Variants in SYNE2 observed in about 807,000 individuals in gnomAD.
SYNE2 encodes the protein spectrin repeat containing nuclear envelope protein 2.
Under a neutral mutation model 856.3 loss-of-function variants are expected in SYNE2, and 431 were observed. The ratio of observed to expected loss-of-function variants is 0.50; its 90% CI spans 0.47 to 0.55. SYNE2 has a LOEUF of 0.55. Ranked by LOEUF, SYNE2 falls within the 20% of genes least tolerant of loss-of-function variation. The pLI, the probability that SYNE2 is intolerant of heterozygous loss-of-function variation, is 0.00. For synonymous variants in SYNE2, 2,923 were observed against 2,872.3 expected (o/e 1.02, Z -0.56); for missense variants, 8,129 against 8,023.2 (o/e 1.01, Z -0.50).
chr14:63,823,037 G>C (rs956491506), intron 1 of SYNE2, among the ~76,000 whole-genome samples: 5 of 152,118 alleles, frequency 3.3e-5, no homozygotes, highest in African/African-American at 1.2e-4. Flanking sequence ...CTAGGAGTTC[G>C]AGGTTGCAGT....
chr14:63,895,517 C>T (rs933541187), intron 1 of SYNE2, among the ~76,000 whole-genome samples: 8 of 149,794 alleles, frequency 5.3e-5, no homozygotes, highest in African/African-American at 2.0e-4. Context: ...ACTTTGGAGG[C>T]CAAAGTGCAT....
intron 11 of SYNE2, among the ~76,000 whole-genome samples, chr14:63,976,099 T>C (rs1378152216): frequency 6.6e-6 from 1 of 152,126 alleles, no homozygotes; most frequent in Non-Finnish European, 1.5e-5. Flanking sequence ...GAAGGACAGA[T>C]ATTCGGGAGA....
At chr14:63,884,940 G>A (rs939313962) in intron 1 of SYNE2, among the ~76,000 whole-genome samples, 8 of 152,038 alleles carry the variant, frequency 5.3e-5, no homozygotes, top group Non-Finnish European at 8.8e-5. Context: ...GCACCCGGCC[G>A]CCTTTGAAAT....
chr14:64,112,686 G>A (rs1388474847), intron 65 of SYNE2, among the ~76,000 whole-genome samples: 1 of 152,146 alleles, frequency 6.6e-6, no homozygotes, highest in Admixed American at 6.5e-5. Context: ...AGAAGGGGAA[G>A]GAAGGTATTT....
intron 63 of SYNE2, among the ~76,000 whole-genome samples, chr14:64,100,937 A>C (rs1002475182): frequency 1.3e-5 from 2 of 151,936 alleles, no homozygotes; most frequent in African/African-American, 4.8e-5. Flanking sequence ...ATTTCACTTA[A>C]CAGAAGATCC....
intron 66 of SYNE2, among the ~76,000 whole-genome samples, chr14:64,117,494 A>G (rs994816407): frequency 1.7e-4 from 26 of 151,962 alleles, no homozygotes; most frequent in African/African-American, 5.6e-4. Flanking sequence ...TCAGGGTCTC[A>G]CTGTGTTGCC....
intron 1 of SYNE2, among the ~76,000 whole-genome samples, chr14:63,904,871 TTC>T (rs1349470089): frequency 2.9e-4 from 44 of 152,118 alleles, no homozygotes; most frequent in African/African-American, 1.0e-3. Flanking sequence ...TAGCCAAAAG[TTC>T]TTTGTCACGG....
At chr14:63,981,413 T>C (rs1006186076) in intron 16 of SYNE2, among the ~76,000 whole-genome samples, 4 of 152,186 alleles carry the variant, frequency 2.6e-5, no homozygotes, top group Admixed American at 2.0e-4. Flanking sequence ...TTCCCACACA[T>C]AGAGCTTTCT....
intron 110 of SYNE2, 133 bp downstream of exon 110, chr14:64,219,543 T>C (rs979004975): frequency 2.4e-5 from 21 of 886,810 alleles, no homozygotes; most frequent in Admixed American, 6.3e-5. Context: ...GGTCACTCTC[T>C]TCCATTTCAG....
upstream of SYNE2, among the ~76,000 whole-genome samples, chr14:63,761,851 C>CGGTTT (rs1886494871): frequency 1.3e-5 from 2 of 152,158 alleles, no homozygotes; most frequent in Non-Finnish European, 2.9e-5. Flanking sequence ...ATTGCCAAAC[C>CGGTTT]TCTCCCAGAG....
chr14:63,950,034 A>G (rs2096124946), intron 7 of SYNE2, 28 bp downstream of exon 7: 3 of 1,612,784 alleles, frequency 1.9e-6, no homozygotes, highest in South Asian at 2.2e-5. Context: ...ACCCTAAGAG[A>G]CACACAGGGC....
chr14:64,028,534 C>T (rs182587744), intron 43 of SYNE2, among the ~76,000 whole-genome samples: 3 of 152,056 alleles, frequency 2.0e-5, no homozygotes, highest in Non-Finnish European at 4.4e-5. Flanking sequence ...GGATGACCTG[C>T]GCGAGCCACT....
Position 63,874,181 on chromosome 14 carries a change from G to A in SYNE2, c.-52+21038G>A, listed in dbSNP as rs530582783. 5.9e-5 allele frequency among the ~76,000 whole-genome samples: 9 copies of A among 152,170 alleles called. No homozygotes were observed. The East Asian group carries it at 1.3e-3, about 23-fold the overall frequency. ...TGCATTACGTATCTATGAGATGTCCGTCTGTCAGAGTGTTTAACGTGTTGT... is the reference window on the plus strand; with the variant it reads ...TGCATTACGTATCTATGAGATGTCCATCTGTCAGAGTGTTTAACGTGTTGT... On this transcript the variant is annotated intron_variant, in intron 1 of 115. Transcript: ENST00000555002.
At chr14:63,832,337 T>C (rs12587452) in intron 1 of SYNE2, among the ~76,000 whole-genome samples, 87,760 of 151,206 alleles carry the variant, frequency 0.58, 26,026 homozygotes, top group South Asian at 0.69. Flanking sequence ...GATGGGGTTT[T>C]ACCATGTTGC....
upstream of SYNE2, among the ~76,000 whole-genome samples, chr14:63,850,343 C>T (rs960761886): frequency 2.0e-5 from 3 of 151,496 alleles, no homozygotes; most frequent in East Asian, 3.9e-4. Flanking sequence ...CTGCCTCAGC[C>T]GCCCAAAGTG....
At chr14:64,172,532 A>T (rs1171470848) in intron 94 of SYNE2, among the ~76,000 whole-genome samples, 9 of 152,162 alleles carry the variant, frequency 5.9e-5, no homozygotes. Context: ...TATCCCGAGA[A>T]CAAGCTGTAT....
intron 11 of SYNE2, among the ~76,000 whole-genome samples, chr14:63,974,498 T>C (rs2096513229): frequency 6.6e-6 from 1 of 152,068 alleles, no homozygotes; most frequent in South Asian, 2.1e-4. Flanking sequence ...GGTATCAAAC[T>C]TAAACATGAG....
chr14:63,854,231 G>A (rs1001560659), intron 1 of SYNE2, among the ~76,000 whole-genome samples: 34 of 151,714 alleles, frequency 2.2e-4, no homozygotes, highest in African/African-American at 8.2e-4. Flanking sequence ...AAGTCCGAAG[G>A]CTTCGTTGCA....
chr14:63,978,948 A>G lies in SYNE2; in HGVS notation c.1503A>G (p.Lys501=). ...GTTTGGTAGATGAAGTGAAATCAAA[A>G]TTGGATATTTGGAACATTAAATATG... is the stretch of plus-strand genomic sequence containing the variant. ...VLGLVDEVKS[K]LDIWNIKYGS... The change falls in exon 14 of 116, where the codon AAA becomes AAG. Residue 501 remains lysine, a synonymous_variant. Coordinates refer to ENST00000555002, the MANE Select transcript of SYNE2 (RefSeq NM_182914.3). The G allele has an allele frequency of 1.9e-6, 3 of 1,613,820 alleles. No individual in the cohort carries two copies. Among genetic ancestry groups the G allele is most frequent in the Non-Finnish European group, 2.5e-6 (3 of 1,179,806 alleles).
Sources: gnomAD v4.1 joint callset for allele counts (sites outside exome capture counted in the v4.1 genomes callset) on GRCh38, gnomAD v4.1.1 for gene constraint, MANE v1.5 for transcripts, NCBI Gene and HGNC (gene_info 2026-07-23, HGNC 2026-07-21) for gene names.